Variants in EMC3 observed in about 807,000 individuals in gnomAD.
The protein encoded by EMC3 is 30 kDa protein.
Under a neutral mutation model 36.6 loss-of-function variants are expected in EMC3, and 13 were observed. The ratio of observed to expected loss-of-function variants is 0.35; its 90% CI spans 0.23 to 0.56. The LOEUF is 0.56. EMC3 is among the 20% of genes least tolerant of loss of function. The pLI is 0.84. For synonymous variants in EMC3, 120 were observed against 111.9 expected (o/e 1.07, Z -0.46); for missense variants, 220 against 324.5 (o/e 0.68, Z 2.47).
At chr3:9,992,919 A>G (rs1222589685) in intron 1 of EMC3, 9 of 1,611,032 alleles carry the variant, frequency 5.6e-6, no homozygotes, top group Non-Finnish European at 7.6e-6. Context: ...TACTCAGACA[A>G]AGAAGTACAT....
chr3:9,982,121 T>G (rs1008827578), intron 1 of EMC3, among the ~76,000 whole-genome samples: 22 of 151,798 alleles, frequency 1.4e-4, no homozygotes, highest in Non-Finnish European at 2.9e-4. Context: ...AGCTAATTTT[T>G]GTATTTTTAG....
chr3:9,986,800 C>T lies in EMC3; in HGVS notation c.-139G>A. The T allele has an allele frequency of 7.6e-6, 11 of 1,456,374 alleles. No homozygotes were observed. The highest frequency in any genetic ancestry group is 5.8e-5 in the South Asian group (4 of 69,014). The allele number at this position is 1,456,374 out of a possible 1,614,324, so 90.2% of individuals were successfully genotyped here. A position where few individuals can be genotyped will look rare whatever the true frequency, so the allele number is the denominator to read the frequency against. Reference sequence around the variant, plus strand: ...CCCAGAACTCTCCTGCGACTGTGAGCCGAGCTTACTGCCTTCAGCTGGGCT... The same window carrying T: ...CCCAGAACTCTCCTGCGACTGTGAGTCGAGCTTACTGCCTTCAGCTGGGCT... On this transcript the variant is annotated 5_prime_UTR_variant, in exon 1 of 8. Transcript: ENST00000245046.
At chr3:9,982,528 A>G (rs1467246371) in intron 1 of EMC3, among the ~76,000 whole-genome samples, 1 of 152,154 alleles carries the variant, frequency 6.6e-6, no homozygotes, top group East Asian at 1.9e-4. Flanking sequence ...TGCTAGAATT[A>G]CAGGTGTGAG....
Position 9,977,053 on chromosome 3 carries a change from A to G in EMC3, c.214-3T>C. 1 of 1,559,554 alleles carries G rather than the reference A, an allele frequency of 6.4e-7. No homozygotes were observed. The highest frequency in any genetic ancestry group is 8.7e-7 in the Non-Finnish European group (1 of 1,145,570). On this transcript the variant is annotated splice_region_variant and splice_polypyrimidine_tract_variant and intron_variant, in intron 2 of 7. Coordinates refer to ENST00000245046, the MANE Select transcript of EMC3 (RefSeq NM_001394674.1). Reference sequence around the variant, plus strand: ...TAATATTTTCGTGTCAAGAAAGACTAGTAAAAAAAAAAAAAAGTGTTTTAA... The same window carrying G: ...TAATATTTTCGTGTCAAGAAAGACTGGTAAAAAAAAAAAAAAGTGTTTTAA...
chr3:9,979,553 C>A (rs569807615), intron 1 of EMC3, among the ~76,000 whole-genome samples: 1 of 152,296 alleles, frequency 6.6e-6, no homozygotes, highest in Admixed American at 6.5e-5. Context: ...TTTATTCTTT[C>A]ATTGAACAAA....
At position 9,969,572 on chromosome 3, in the gene EMC3, A is replaced by ATCCT. The variant is rs761132585; in HGVS notation, c.657+146_657+147insAGGA. On this transcript the variant is annotated intron_variant, in intron 7 of 7. Transcript: ENST00000245046. ...TTAATAGATGATTCTGTCTCAGGAAAGAGAGACGTGTAAACTATGTTTTTA... is the reference window on the plus strand; with the variant it reads ...TTAATAGATGATTCTGTCTCAGGAAATCCTGAGAGACGTGTAAACTATGTTTTTA... The ATCCT allele has an allele frequency of 4.1e-5, 62 of 1,526,830 alleles. No individual in the cohort carries two copies. The African/African-American group carries it at 7.8e-4, about 19-fold the overall frequency. 94.6% of individuals were successfully genotyped at this position (1,526,830 alleles called of 1,614,324 possible).
intron 1 of EMC3, chr3:10,009,100 C>T (rs2086296913): frequency 6.6e-6 from 1 of 152,248 alleles, no homozygotes; most frequent in Non-Finnish European, 1.5e-5. Flanking sequence ...TTCGGCTCCG[C>T]TTACGGGTCT....
At chr3:9,979,930 A>G (rs2085891327) in intron 1 of EMC3, among the ~76,000 whole-genome samples, 2 of 152,174 alleles carry the variant, frequency 1.3e-5, no homozygotes, top group South Asian at 4.1e-4. Context: ...GACTGGAAAA[A>G]GGAGAACTAT....
intron 3 of EMC3, among the ~76,000 whole-genome samples, chr3:9,975,381 T>C (rs898388996): frequency 5.9e-5 from 9 of 152,130 alleles, no homozygotes; most frequent in East Asian, 1.9e-4. Context: ...TTGATAGATA[T>C]TGTCAGACTG....
chr3:9,965,142 C>T (rs565754101), intron 7 of EMC3, among the ~76,000 whole-genome samples: 131 of 150,928 alleles, frequency 8.7e-4, no homozygotes, highest in African/African-American at 3.0e-3. Flanking sequence ...TGTGGTAGCT[C>T]ACACCTGTAA....
intron 1 of EMC3, chr3:10,001,009 A>C (rs1575702548): frequency 8.6e-6 from 2 of 231,346 alleles, no homozygotes; most frequent in East Asian, 1.1e-4. Context: ...CGGACAACCC[A>C]CTCTTTACTT....
At chr3:9,980,170 T>C (rs1026109917) in intron 1 of EMC3, among the ~76,000 whole-genome samples, 2 of 151,848 alleles carry the variant, frequency 1.3e-5, no homozygotes, top group Non-Finnish European at 2.9e-5. Context: ...CGCACCACCA[T>C]GCCCAGCTAA....
chr3:9,973,566 C>T, intron 5 of EMC3, 62 bp downstream of exon 5: 1 of 1,465,994 alleles, frequency 6.8e-7, no homozygotes, highest in African/African-American at 1.4e-5. Context: ...CTCAAGTGAT[C>T]CTCCCGCCTT....
At position 9,964,134 on chromosome 3, in the gene EMC3, G is replaced by T; in HGVS notation, c.721C>A (p.Leu241Ile). The T allele has an allele frequency of 6.2e-7, 1 of 1,614,162 alleles. No individual in the cohort carries two copies. Among genetic ancestry groups the T allele is most frequent in the Non-Finnish European group, 8.5e-7 (1 of 1,180,044 alleles). The stretch of plus-strand genomic sequence containing the variant: ...TCGAAGTGGAGGTCTTTGGCCATGA[G>T]CTCTTCTTCGACATCATCTAGTGCC... ...QWALDDVEEE[L>I]MAKDLHFEGM... is the part of the protein sequence containing the mutation. Residue 241 changes from leucine (L) to isoleucine (I), a missense_variant, in exon 8 of 8, where the codon CTC (leucine) becomes ATC (isoleucine). Around this residue, in one of 3 missense-constraint regions of EMC3, gnomAD observed 37 missense variants for 32.9 expected, o/e 1.13. Coordinates refer to ENST00000245046, the MANE Select transcript of EMC3 (RefSeq NM_001394674.1).
intron 1 of EMC3, among the ~76,000 whole-genome samples, chr3:9,979,753 T>A (rs2085889465): frequency 6.6e-6 from 1 of 152,130 alleles, no homozygotes; most frequent in African/African-American, 2.4e-5. Context: ...CAGGAGGTGA[T>A]GGAGTCTGGA....
chr3:9,997,718 C>T (rs2086144995), intron 1 of EMC3, among the ~76,000 whole-genome samples: 1 of 152,150 alleles, frequency 6.6e-6, no homozygotes, highest in Non-Finnish European at 1.5e-5. Context: ...CCTCGGCCTC[C>T]CAAAGTGCTG....
At chr3:10,000,038 T>C (rs1268988575) in intron 1 of EMC3, among the ~76,000 whole-genome samples, 2 of 152,052 alleles carry the variant, frequency 1.3e-5, no homozygotes, top group Non-Finnish European at 2.9e-5. Flanking sequence ...GTTGTTTTTA[T>C]TTTTTGGGGT....
chr3:10,001,906 G>A (rs986768316), intron 1 of EMC3, among the ~76,000 whole-genome samples: 13 of 151,974 alleles, frequency 8.6e-5, no homozygotes, highest in African/African-American at 3.1e-4. Context: ...GGCTGAGGCA[G>A]GAGAATTGCA....
chr3:9,966,424 T>C (rs977680819), intron 7 of EMC3, among the ~76,000 whole-genome samples: 6 of 151,890 alleles, frequency 4.0e-5, no homozygotes, highest in Non-Finnish European at 7.4e-5. Context: ...GGTTTCACCA[T>C]GTTGACCAAG....
Sources: gnomAD v4.1 joint callset for allele counts (sites outside exome capture counted in the v4.1 genomes callset) on GRCh38, gnomAD v4.1.1 for gene constraint, gnomAD v4.1.1 regional missense constraint, MANE v1.5 for transcripts, NCBI Gene and HGNC (gene_info 2026-07-23, HGNC 2026-07-21) for gene names.